The following LTBP1 variants were observed in gnomAD, a reference collection of about 807,000 sequenced individuals.
LTBP1 encodes the protein latent-transforming growth factor beta-binding protein 1.
In LTBP1, 129 loss-of-function variants were observed where a neutral mutation model predicts 207.6. The observed-to-expected ratio is 0.62, with a 90% CI of 0.54 to 0.72. The LOEUF (loss-of-function observed/expected upper bound fraction) is 0.72. Ranked by LOEUF, LTBP1 falls within the 30% of genes least tolerant of loss-of-function variation. The pLI is 0.00. For synonymous variants in LTBP1, 963 were observed against 833.7 expected, an observed-to-expected ratio of 1.16 and a Z score of -2.67; for missense variants, 2,281 against 2,217.2, an observed-to-expected ratio of 1.03 and a Z score of -0.58.
chr2:33,184,520 A>C (rs1344938880), intron 5 of LTBP1, among the ~76,000 whole-genome samples: 1 of 152,204 alleles, frequency 6.6e-6, no homozygotes, highest in East Asian at 1.9e-4. Flanking sequence ...TCAAAAACTT[A>C]TCCTAAATGA....
At chr2:33,037,467 A>G (rs2075980402) in intron 3 of LTBP1, among the ~76,000 whole-genome samples, 1 of 152,094 alleles carries the variant, frequency 6.6e-6, no homozygotes, top group African/African-American at 2.4e-5. Context: ...TGAAAGTTCT[A>G]TTTGACTCTT....
chr2:33,339,435 C>T (rs548150794), intron 24 of LTBP1, among the ~76,000 whole-genome samples: 220 of 152,164 alleles, frequency 1.4e-3, no homozygotes, highest in African/African-American at 5.0e-3. Context: ...CTTTGATGTA[C>T]GCCCATCTCA....
intron 3 of LTBP1, among the ~76,000 whole-genome samples, chr2:33,107,981 G>A (rs2080162357): frequency 6.6e-6 from 1 of 152,156 alleles, no homozygotes; most frequent in South Asian, 2.1e-4. Flanking sequence ...GAAATACTCG[G>A]GGTAACAGAA....
chr2:33,098,651 C>G (rs999806141), intron 3 of LTBP1, among the ~76,000 whole-genome samples: 1 of 151,990 alleles, frequency 6.6e-6, no homozygotes, highest in South Asian at 2.1e-4. Context: ...GTTGGCCAGG[C>G]TGGTCTCGAA....
intron 26 of LTBP1, among the ~76,000 whole-genome samples, chr2:33,352,834 C>T (rs6543707): frequency 0.36 from 54,731 of 151,938 alleles, 11,001 homozygotes; most frequent in African/African-American, 0.55. Context: ...TTTAGCTTTC[C>T]GTCCTACACT....
chr2:33,381,467 G>A (rs367705807), intron 31 of LTBP1, among the ~76,000 whole-genome samples: 1 of 152,174 alleles, frequency 6.6e-6, no homozygotes, highest in African/African-American at 2.4e-5. Context: ...TCTCCTTAGA[G>A]TATTAACATT....
chr2:33,292,030 T>C (rs555551306), intron 19 of LTBP1, among the ~76,000 whole-genome samples: 5 of 152,296 alleles, frequency 3.3e-5, no homozygotes, highest in African/African-American at 7.2e-5. Context: ...AATTGTGTTA[T>C]TGTATGTGTA....
At chr2:33,314,540 C>T (rs79851018) in intron 23 of LTBP1, among the ~76,000 whole-genome samples, 2,447 of 152,194 alleles carry the variant, frequency 0.016, 31 homozygotes, top group Non-Finnish European at 0.027. Context: ...AGAGTGAGAC[C>T]CTGTCTCTAA....
intron 3 of LTBP1, among the ~76,000 whole-genome samples, chr2:33,038,272 A>G (rs965046716): frequency 6.6e-6 from 1 of 152,228 alleles, no homozygotes; most frequent in African/African-American, 2.4e-5. Flanking sequence ...ACTAAGACAG[A>G]TGCGACTCCT....
intron 10 of LTBP1, among the ~76,000 whole-genome samples, chr2:33,247,303 C>T (rs904274862): frequency 6.6e-6 from 1 of 152,188 alleles, no homozygotes; most frequent in Non-Finnish European, 1.5e-5. Flanking sequence ...TTATGAGAAA[C>T]ATACCATGCT....
At chr2:33,046,455 G>A (rs1181679446) in intron 3 of LTBP1, among the ~76,000 whole-genome samples, 1 of 152,180 alleles carries the variant, frequency 6.6e-6, no homozygotes, top group Admixed American at 6.5e-5. Flanking sequence ...TGCCTCCCGG[G>A]GATGAAGCCG....
intron 22 of LTBP1, among the ~76,000 whole-genome samples, chr2:33,305,092 A>G (rs1008364566): frequency 6.6e-6 from 1 of 152,166 alleles, no homozygotes; most frequent in Admixed American, 6.6e-5. Context: ...AGGCAGGTGG[A>G]TCACGAGGTC....
intron 3 of LTBP1, 102 bp from the exon 4 acceptor site, chr2:33,110,480 G>A: frequency 9.5e-7 from 1 of 1,048,564 alleles, no homozygotes; most frequent in Non-Finnish European, 1.4e-6. Context: ...GCTTGGAATT[G>A]ATGCTCCTTT....
At chr2:33,374,432 G>A (rs2095110855) in intron 31 of LTBP1, among the ~76,000 whole-genome samples, 1 of 152,226 alleles carries the variant, frequency 6.6e-6, no homozygotes, top group South Asian at 2.1e-4. Context: ...CATAGATCCT[G>A]AACATTATAA....
rs369745661 is a variant in LTBP1, at chr2:33,165,439, A to G, written c.1202-21417A>G. On this transcript the variant is annotated intron_variant, in intron 5 of 33. Coordinates refer to ENST00000404816, the MANE Select transcript of LTBP1 (RefSeq NM_206943.4). ...ATGGTTCATAAGGAATATTCTTTAAAATTTAATAGATTATAGGACCATAAA... is the reference window on the plus strand; with the variant it reads ...ATGGTTCATAAGGAATATTCTTTAAGATTTAATAGATTATAGGACCATAAA... Among the ~76,000 whole-genome samples the G allele has an allele frequency of 5.9e-5, 9 of 152,390 alleles. No individual in the cohort carries two copies. The South Asian group carries it at 1.2e-3, about 21-fold the overall frequency.
intron 7 of LTBP1, among the ~76,000 whole-genome samples, chr2:33,193,513 T>C (rs933711109): frequency 6.6e-6 from 1 of 152,206 alleles, no homozygotes; most frequent in Non-Finnish European, 1.5e-5. Flanking sequence ...GTTCGTAGTT[T>C]ACAGGCACAC....
At chr2:33,373,844 ATAT>A (rs1308541018) in intron 31 of LTBP1, among the ~76,000 whole-genome samples, 4 of 152,198 alleles carry the variant, frequency 2.6e-5, no homozygotes, top group African/African-American at 4.8e-5. Flanking sequence ...TTATTCCTAA[ATAT>A]TATGTATTTT....
chr2:33,196,672 C>G (rs1297067374), intron 7 of LTBP1, among the ~76,000 whole-genome samples: 1 of 152,136 alleles, frequency 6.6e-6, no homozygotes, highest in Non-Finnish European at 1.5e-5. Context: ...TAAATAAATG[C>G]TAACTAAATA....
chr2:33,319,563 C>T (rs1428701720), intron 24 of LTBP1, among the ~76,000 whole-genome samples: 2 of 152,098 alleles, frequency 1.3e-5, no homozygotes, highest in Non-Finnish European at 2.9e-5. Flanking sequence ...GAAAAACCTC[C>T]TGATCTCTGA....
Sources: allele counts gnomAD v4.1 joint callset (sites outside exome capture counted in the v4.1 genomes callset), GRCh38; gene constraint gnomAD v4.1.1; transcripts MANE v1.5; gene names NCBI Gene and HGNC (gene_info 2026-07-23, HGNC 2026-07-21).